FMN1: variants seen among roughly 807,000 people sequenced by gnomAD.
The protein encoded by FMN1 is formin-1.
FMN1 carries 110 observed loss-of-function variants against 132.4 expected under a neutral mutation model. The observed-to-expected ratio is 0.83, with a 90% confidence interval of 0.71 to 0.97. The LOEUF (loss-of-function observed/expected upper bound fraction) is 0.97, where lower values mean the gene tolerates loss of function less well. FMN1 is among the 50% of genes least tolerant of loss of function. FMN1 has a pLI of 0.00. For missense variants in FMN1, 1,792 were observed against 1,705.3 expected (o/e 1.05, Z -0.90); for synonymous variants, 722 against 651.7 (o/e 1.11, Z -1.64).
At chr15:33,079,614 C>A (rs1239392861) in intron 5 of FMN1, among the ~76,000 whole-genome samples, 2 of 152,250 alleles carry the variant, frequency 1.3e-5, no homozygotes, top group Non-Finnish European at 2.9e-5. Flanking sequence ...CAGAGCGAGA[C>A]TCCGTCTCAA....
At chr15:33,075,241 G>A (rs2038162744) in intron 5 of FMN1, among the ~76,000 whole-genome samples, 1 of 152,056 alleles carries the variant, frequency 6.6e-6, no homozygotes, top group Non-Finnish European at 1.5e-5. Context: ...CCTGCAGTAA[G>A]TAGGATATGT....
At position 32,926,286 on chromosome 15, in the gene FMN1, G is replaced by T. The variant is rs76215711; in HGVS notation, c.3139-25C>A. 0.011 allele frequency: 12,106 copies of T among 1,088,794 alleles called. 581 individuals carry two copies. In the East Asian group the frequency reaches 0.13, roughly 12 times the overall value. The allele number at this position is 1,088,794 out of a possible 1,614,324, so 67.4% of individuals were successfully genotyped here. A position where few individuals can be genotyped will look rare whatever the true frequency, so the allele number is the denominator to read the frequency against. ...TCTAAAATTAGAAAAAAAAAAAAAA[G>T]AATACAAGCTCAAATGACCATGCAG... On this transcript the variant is annotated intron_variant, in intron 9 of 20. Coordinates refer to ENST00000616417, the MANE Select transcript of FMN1 (RefSeq NM_001277313.2).
Position 32,798,717 on chromosome 15 carries a change from G to A in FMN1, c.4130+87C>T, listed in dbSNP as rs879044702. ...TTCATCCGAAAGAAAACATCGACAG[G>A]TGTGAAATAGACACACTTTGATAGG... is the stretch of plus-strand genomic sequence containing the variant. On this transcript the variant is annotated intron_variant, in intron 19 of 20. Transcript: ENST00000616417. 3.2e-5 allele frequency: 37 copies of A among 1,171,754 alleles called. No homozygotes were observed. In the South Asian group the frequency reaches 5.6e-4, roughly 18 times the overall value. 72.6% of individuals were successfully genotyped at this position (1,171,754 alleles called of 1,614,324 possible).
intron 16 of FMN1, among the ~76,000 whole-genome samples, chr15:32,858,243 C>T (rs1489634851): frequency 6.6e-6 from 1 of 152,190 alleles, no homozygotes; most frequent in Non-Finnish European, 1.5e-5. Context: ...AGAACGTATA[C>T]TGCAGGCAAA....
intron 2 of FMN1, among the ~76,000 whole-genome samples, chr15:33,189,514 G>T (rs1966000878): frequency 1.3e-5 from 2 of 152,116 alleles, no homozygotes; most frequent in Admixed American, 6.5e-5. Context: ...CCAGCATACT[G>T]AACTTTATTT....
chr15:33,078,393 G>A (rs767763397), intron 5 of FMN1, among the ~76,000 whole-genome samples: 80 of 151,954 alleles, frequency 5.3e-4, no homozygotes, highest in Non-Finnish European at 1.0e-3. Context: ...ATTTTAATTG[G>A]ATATTTAAAT....
intron 2 of FMN1, among the ~76,000 whole-genome samples, chr15:33,185,490 A>G (rs1157156326): frequency 6.6e-6 from 1 of 151,810 alleles, no homozygotes; most frequent in South Asian, 2.1e-4. Context: ...ATAGAAAGTA[A>G]ATTTTTGTTT....
chr15:33,069,367 G>C (rs2037893634), intron 5 of FMN1, among the ~76,000 whole-genome samples: 2 of 152,182 alleles, frequency 1.3e-5, no homozygotes, highest in Non-Finnish European at 2.9e-5. Flanking sequence ...GCCTGGGATG[G>C]ACAGGACACT....
At chr15:33,052,382 G>C (rs1021506525) in intron 6 of FMN1, among the ~76,000 whole-genome samples, 3 of 152,180 alleles carry the variant, frequency 2.0e-5, no homozygotes, top group Non-Finnish European at 4.4e-5. Context: ...AAAATGCTGG[G>C]TTCAGCATGG....
chr15:32,926,339 A>C (rs1333311433), intron 9 of FMN1, 78 bp from the exon 10 acceptor site: 1 of 747,252 alleles, frequency 1.3e-6, no homozygotes. Flanking sequence ...CAAAAACATT[A>C]AATTTTTTTA....
At chr15:33,122,892 C>T (rs1962699683) in intron 4 of FMN1, among the ~76,000 whole-genome samples, 1 of 152,014 alleles carries the variant, frequency 6.6e-6, no homozygotes, top group Non-Finnish European at 1.5e-5. Context: ...TAAAGCAAAC[C>T]AACATCTATG....
At chr15:33,113,126 A>G (rs1235919920) in intron 4 of FMN1, among the ~76,000 whole-genome samples, 1 of 152,202 alleles carries the variant, frequency 6.6e-6, no homozygotes, top group East Asian at 1.9e-4. Context: ...GCTGTTTCAA[A>G]TATCTGCATT....
At chr15:32,776,614 T>G (rs932457191) in intron 20 of FMN1, among the ~76,000 whole-genome samples, 1 of 152,104 alleles carries the variant, frequency 6.6e-6, no homozygotes, top group Non-Finnish European at 1.5e-5. Flanking sequence ...AAATTTGGTT[T>G]ATCAGAAATG....
Position 32,869,036 on chromosome 15 carries a change from G to A in FMN1, c.3836-11929C>T, listed in dbSNP as rs189969431. Among the ~76,000 whole-genome samples the A allele has an allele frequency of 2.0e-5, 3 of 152,260 alleles. No homozygotes were observed. In the East Asian group the frequency reaches 5.8e-4, roughly 29 times the overall value. ...CTCCAGGAGAGAAAACTTATGAGTT[G>A]AACTGCAAAGGTCAAGGAGGAGCTA... On this transcript the variant is annotated intron_variant, in intron 16 of 20. Transcript: ENST00000616417.
At chr15:32,803,348 A>G (rs1333430867) in intron 18 of FMN1, among the ~76,000 whole-genome samples, 1 of 152,192 alleles carries the variant, frequency 6.6e-6, no homozygotes, top group Non-Finnish European at 1.5e-5. Flanking sequence ...TCACTCTTCT[A>G]TGAGGGAGGG....
At chr15:33,099,451 T>A (rs1161510211) in intron 4 of FMN1, among the ~76,000 whole-genome samples, 1 of 152,220 alleles carries the variant, frequency 6.6e-6, no homozygotes, top group African/African-American at 2.4e-5. Flanking sequence ...ATGCTCACCA[T>A]GCTCAATTAG....
chr15:32,957,707 T>C (rs1413201408), intron 9 of FMN1, among the ~76,000 whole-genome samples: 3 of 152,208 alleles, frequency 2.0e-5, no homozygotes, highest in Admixed American at 6.5e-5. Context: ...ACTAAGAGAT[T>C]AATGCAAAGA....
chr15:33,049,129 A>G (rs1457902874), intron 6 of FMN1, among the ~76,000 whole-genome samples: 1 of 152,208 alleles, frequency 6.6e-6, no homozygotes, highest in Non-Finnish European at 1.5e-5. Context: ...TTGGCCAGTT[A>G]CCATCATTTT....
intron 16 of FMN1, among the ~76,000 whole-genome samples, chr15:32,865,352 A>G (rs938247390): frequency 3.3e-5 from 5 of 152,234 alleles, no homozygotes; most frequent in Non-Finnish European, 7.3e-5. Flanking sequence ...TAAATGAAGA[A>G]TGCCTCATCT....
Sources: gnomAD v4.1 joint callset for allele counts (sites outside exome capture counted in the v4.1 genomes callset) on GRCh38, gnomAD v4.1.1 for gene constraint, MANE v1.5 for transcripts, NCBI Gene and HGNC (gene_info 2026-07-23, HGNC 2026-07-21) for gene names.